Variants in NMU observed in about 807,000 individuals in gnomAD.
NMU encodes neuromedin U.
Under a neutral mutation model 35.4 loss-of-function variants are expected in NMU, and 29 were observed. That is an observed-to-expected ratio of 0.82 (90% confidence interval 0.61 to 1.12). The LOEUF is 1.12. Among genes scored for constraint, NMU ranks in the 50% most tolerant of loss-of-function variants. The pLI, the probability that NMU is intolerant of heterozygous loss-of-function variation, is 0.00. For synonymous variants in NMU, 78 were observed against 81.3 expected, an observed-to-expected ratio of 0.96 and a Z score of 0.22; for missense variants, 199 against 206.2, an observed-to-expected ratio of 0.97 and a Z score of 0.21.
At chr4:55,598,978 T>C (rs926809604) in intron 9 of NMU, among the ~76,000 whole-genome samples, 164 bp downstream of exon 9, 1 of 152,234 alleles carries the variant, frequency 6.6e-6, no homozygotes, top group African/African-American at 2.4e-5. Context: ...ATCATTGTAG[T>C]ATTTATATGG....
At chr4:55,595,954 T>A (rs550309142) in intron 9 of NMU, among the ~76,000 whole-genome samples, 98 of 152,162 alleles carry the variant, frequency 6.4e-4, no homozygotes, top group African/African-American at 2.3e-3. Flanking sequence ...TGTATATTTT[T>A]AACTATATAT....
rs1290523273 is a variant in NMU, at chr4:55,628,652, C to CCTGAGTAGCTG, written c.171+1749_171+1750insCAGCTACTCAG. Among the ~76,000 whole-genome samples the CCTGAGTAGCTG allele has an allele frequency of 1.5e-3, 230 of 152,030 alleles. 1 individual carries two copies. The highest frequency in any genetic ancestry group is 4.9e-3 in the African/African-American group (202 of 41,488). Reference sequence around the variant, plus strand: ...TAGCTGGGATTACAGGCACCATGCCCGGATAATTTTTGTGTTATTAGTAGA... The same window carrying CCTGAGTAGCTG: ...TAGCTGGGATTACAGGCACCATGCCCCTGAGTAGCTGGGATAATTTTTGTGTTATTAGTAGA... On this transcript the variant is annotated intron_variant, in intron 2 of 9. Transcript: ENST00000264218.
intron 1 of NMU, among the ~76,000 whole-genome samples, chr4:55,630,998 A>G (rs1346724167): frequency 6.6e-6 from 1 of 152,156 alleles, no homozygotes; most frequent in Non-Finnish European, 1.5e-5. Flanking sequence ...ACTAACGGAA[A>G]AGAATAGAGA....
chr4:55,635,459 T>C lies in NMU; in HGVS notation c.112+622A>G, dbSNP rs535532274. Among the ~76,000 whole-genome samples, 13 of 152,272 alleles carry C rather than the reference T, an allele frequency of 8.5e-5. No individual in the cohort carries two copies. In the East Asian group the frequency reaches 2.3e-3, roughly 27 times the overall value. ...GCTTGCACACTTGCCTCTCCGACTT[T>C]ATGTGATGAGAAGTTCTCTATTCCT... On this transcript the variant is annotated intron_variant, in intron 1 of 9. Coordinates refer to ENST00000264218, the MANE Select transcript of NMU (RefSeq NM_006681.4).
At chr4:55,603,066 C>T (rs954248882) in intron 7 of NMU, among the ~76,000 whole-genome samples, 8 of 152,126 alleles carry the variant, frequency 5.3e-5, no homozygotes, top group Non-Finnish European at 1.0e-4. Flanking sequence ...GGCACGATCT[C>T]GGCTTACTGA....
intron 6 of NMU, among the ~76,000 whole-genome samples, chr4:55,605,583 G>A (rs1733649512): frequency 6.6e-6 from 1 of 152,192 alleles, no homozygotes. Context: ...TCCTCATATT[G>A]AGAAGAAGCA....
chr4:55,595,563 T>TATATATATATACACACAC (rs755203914), intron 9 of NMU, among the ~76,000 whole-genome samples, 152 bp from the exon 10 acceptor site: 1 of 120,054 alleles, frequency 8.3e-6, no homozygotes, highest in Non-Finnish European at 1.7e-5. Flanking sequence ...TATATATATA[T>TATATATATATACACACAC]ACACACACAC....
At chr4:55,611,042 T>A (rs112553165) in intron 3 of NMU, among the ~76,000 whole-genome samples, 1 of 152,004 alleles carries the variant, frequency 6.6e-6, no homozygotes, top group Non-Finnish European at 1.5e-5. Context: ...CCAAGTGTCA[T>A]TACAAAAGAG....
intron 1 of NMU, among the ~76,000 whole-genome samples, chr4:55,632,157 G>C (rs952357781): frequency 6.6e-6 from 1 of 152,240 alleles, no homozygotes. Context: ...ACTCGGAGGT[G>C]GAGGCTAGGA....
At position 55,627,726 on chromosome 4, in the gene NMU, A is replaced by T. The variant is rs572561672; in HGVS notation, c.171+2676T>A. Among the ~76,000 whole-genome samples the T allele has an allele frequency of 4.7e-4, 71 of 152,340 alleles. 1 individual carries two copies. Among genetic ancestry groups the T allele is most frequent in the African/African-American group, 1.7e-3 (69 of 41,596 alleles). On this transcript the variant is annotated intron_variant, in intron 2 of 9. Transcript: ENST00000264218. ...ATTGGTATTATATCCAAAATCCAAA[A>T]ATCTCCTGAACTCTCAAACGAGTTC...
chr4:55,601,787 G>A (rs907980960), intron 7 of NMU, among the ~76,000 whole-genome samples: 4 of 151,974 alleles, frequency 2.6e-5, no homozygotes, highest in African/African-American at 9.7e-5. Flanking sequence ...AGGAGTTTGA[G>A]ACCAGCCTGG....
At chr4:55,632,431 A>C (rs937533372) in intron 1 of NMU, among the ~76,000 whole-genome samples, 2 of 152,216 alleles carry the variant, frequency 1.3e-5, no homozygotes, top group Admixed American at 6.5e-5. Flanking sequence ...ATAACTTATA[A>C]AGGTCATGCA....
chr4:55,627,430 T>C (rs1734578426), intron 2 of NMU, among the ~76,000 whole-genome samples: 1 of 151,882 alleles, frequency 6.6e-6, no homozygotes. Flanking sequence ...TTGTTTGGGA[T>C]TGCATTGATT....
chr4:55,616,535 C>CT, intron 2 of NMU, 150 bp from the exon 3 acceptor site: 1 of 694,178 alleles, frequency 1.4e-6, no homozygotes, highest in South Asian at 1.7e-5. Context: ...GCCTCAAAAA[C>CT]TTTATAAGAG....
At chr4:55,611,461 C>A (rs942781178) in intron 3 of NMU, among the ~76,000 whole-genome samples, 1 of 152,062 alleles carries the variant, frequency 6.6e-6, no homozygotes, top group East Asian at 1.9e-4. Flanking sequence ...ATAAATTTAA[C>A]GCAGCCTAAG....
Position 55,612,623 on chromosome 4 carries a change from T to G in NMU, c.220-3444A>C, listed in dbSNP as rs115157187. ...GTATTTCAACTCAAAGAAGAATAAA[T>G]TCACACATGAGTTGTTTCTTCTTAG... On this transcript the variant is annotated intron_variant, in intron 3 of 9. Transcript: ENST00000264218. Among the ~76,000 whole-genome samples the G allele has an allele frequency of 2.6e-3, 397 of 152,304 alleles. 3 individuals carry two copies. The highest frequency in any genetic ancestry group is 9.2e-3 in the African/African-American group (384 of 41,554).
At chr4:55,613,380 A>T (rs1414387156) in intron 3 of NMU, among the ~76,000 whole-genome samples, 1 of 152,154 alleles carries the variant, frequency 6.6e-6, no homozygotes, top group Non-Finnish European at 1.5e-5. Flanking sequence ...AAGAAACCAT[A>T]GGAAGATTTG....
chr4:55,618,656 A>C (rs1459661474), intron 2 of NMU, among the ~76,000 whole-genome samples: 12 of 97,312 alleles, frequency 1.2e-4, no homozygotes, highest in Non-Finnish European at 1.5e-4. Flanking sequence ...TTTCTTTCTC[A>C]TCTTTCTTCT....
At chr4:55,603,200 C>T (rs888108351) in intron 7 of NMU, among the ~76,000 whole-genome samples, 4 of 151,848 alleles carry the variant, frequency 2.6e-5, no homozygotes, top group Non-Finnish European at 4.4e-5. Context: ...TTAGTAGAGA[C>T]GGGATTTCAT....
Sources: allele counts gnomAD v4.1 joint callset (sites outside exome capture counted in the v4.1 genomes callset), GRCh38; gene constraint gnomAD v4.1.1; transcripts MANE v1.5; gene names NCBI Gene and HGNC (gene_info 2026-07-23, HGNC 2026-07-21).